KLHL4: variants seen among roughly 807,000 people sequenced by gnomAD.
KLHL4 encodes kelch like family member 4.
Under a neutral mutation model 45.8 loss-of-function variants are expected in KLHL4, and 17 were observed. The ratio of observed to expected loss-of-function variants is 0.37; its 90% CI spans 0.25 to 0.56. The LOEUF (loss-of-function observed/expected upper bound fraction) is 0.56, where lower values mean the gene tolerates loss of function less well. KLHL4 is among the 20% of genes least tolerant of loss of function. The pLI is 0.79. For missense variants in KLHL4, 544 were observed against 544.9 expected (o/e 1.00, Z 0.02); for synonymous variants, 224 against 189.9 (o/e 1.18, Z -1.47).
rs1362440421 is a variant in KLHL4 at position 87,635,754 on chromosome X, G to T, written c.1904G>T (p.Arg635Met). The T allele has an allele frequency of 8.4e-7, 1 of 1,193,110 alleles. No individual in the cohort carries two copies. Among genetic ancestry groups the T allele is most frequent in the East Asian group, 3.0e-5 (1 of 33,374 alleles). Reference sequence around the variant, plus strand: ...GCCCCTGCTTCCAACCATTGCTCCAGGCTTTCTGACTGTGTGGAACGGTAA... The same window carrying T: ...GCCCCTGCTTCCAACCATTGCTCCATGCTTTCTGACTGTGTGGAACGGTAA... ...HDAPASNHCS[R>M]LSDCVERYDP... Residue 635 changes from arginine to methionine, a missense_variant, in exon 9 of 11, where the codon AGG becomes ATG. Transcript: ENST00000373119.
At position 87,568,383 on chromosome X, in the gene KLHL4, C is replaced by CTTTTTTTTTT. The variant is rs756469573; in HGVS notation, c.423-45487_423-45486insTTTTTTTTTT. Among the ~76,000 whole-genome samples the CTTTTTTTTTT allele has an allele frequency of 1.2e-3, 71 of 59,194 alleles. 1 individual carries two copies. The highest frequency in any genetic ancestry group is 4.2e-3 in the African/African-American group (64 of 15,323). 51.4% of individuals were successfully genotyped at this position (59,194 alleles called of 115,157 possible). Reference sequence around the variant, plus strand: ...CTACAGCTTTTTTTCTTTTTCTTTTCTTTTTTTCTTTTTTTTTTTTTTTTT... The same window carrying CTTTTTTTTTT: ...CTACAGCTTTTTTTCTTTTTCTTTTCTTTTTTTTTTTTTTTTTCTTTTTTTTTTTTTTTTT... On this transcript the variant is annotated intron_variant, in intron 1 of 10. Transcript: ENST00000373119.
At chrX:87,662,919 G>C (rs1924243056) in intron 9 of KLHL4, among the ~76,000 whole-genome samples, 1 of 70,316 alleles carries the variant, frequency 1.4e-5, no homozygotes. Context: ...GACAGAGCGA[G>C]ACTCCGTCTC....
chrX:87,541,128 G>A (rs6614680), intron 1 of KLHL4, among the ~76,000 whole-genome samples: 25,519 of 108,844 alleles, frequency 0.23, 2,646 homozygotes, highest in East Asian at 0.51. Flanking sequence ...TGGATCATGG[G>A]GGCAGTTTCC....
chrX:87,665,192 C>T (rs1924327887), intron 10 of KLHL4, among the ~76,000 whole-genome samples: 1 of 111,087 alleles, frequency 9.0e-6, no homozygotes, highest in Non-Finnish European at 1.9e-5. Flanking sequence ...ATTCTCGTGA[C>T]TTCATGAAAG....
intron 1 of KLHL4, among the ~76,000 whole-genome samples, chrX:87,600,345 G>A (rs1266667332): frequency 9.0e-6 from 1 of 110,833 alleles, no homozygotes; most frequent in Non-Finnish European, 1.9e-5. Flanking sequence ...TTAGCCGGGC[G>A]TGGTGGCGGG....
Position 87,591,991 on chromosome X carries a change from A to G in KLHL4, c.423-21886A>G. On this transcript the variant is annotated intron_variant, in intron 1 of 10. Coordinates refer to ENST00000373119, the MANE Select transcript of KLHL4 (RefSeq NM_019117.5). ...TATTTTTGTGCCCATTAACCATCCA[A>G]ACTTCCCCCCCCACCCCCACTATCC... Among the ~76,000 whole-genome samples the G allele has an allele frequency of 1.8e-5, 2 of 110,369 alleles. 1 individual carries two copies. The highest frequency in any genetic ancestry group is 3.8e-5 in the Non-Finnish European group (2 of 52,699).
At chrX:87,632,568 G>A (rs950401099) in intron 7 of KLHL4, 134 bp downstream of exon 7, 28 of 425,222 alleles carry the variant, frequency 6.6e-5, no homozygotes, top group Non-Finnish European at 1.1e-4. Flanking sequence ...AAAAACTTAA[G>A]GAAATGATAA....
chrX:87,656,091 A>G (rs1396080622), intron 9 of KLHL4, among the ~76,000 whole-genome samples: 1 of 110,698 alleles, frequency 9.0e-6, no homozygotes, highest in Non-Finnish European at 1.9e-5. Context: ...ATAGGTTACT[A>G]TATGCTTTTC....
chrX:87,569,128 A>G (rs1408345276), intron 1 of KLHL4, among the ~76,000 whole-genome samples: 1 of 111,510 alleles, frequency 9.0e-6, no homozygotes, highest in Non-Finnish European at 1.9e-5. Context: ...CTAAACAACT[A>G]AGAGATGAAT....
intron 1 of KLHL4, among the ~76,000 whole-genome samples, chrX:87,588,813 A>G (rs991479564): frequency 9.1e-6 from 1 of 109,777 alleles, no homozygotes; most frequent in East Asian, 2.9e-4. Context: ...GAGAAGGAGA[A>G]GGAGAGGAAG....
At chrX:87,643,536 G>A (rs1211285183) in intron 9 of KLHL4, among the ~76,000 whole-genome samples, 1 of 111,211 alleles carries the variant, frequency 9.0e-6, no homozygotes, top group East Asian at 2.8e-4. Flanking sequence ...GAAAAAGAAG[G>A]AACCCTCCCT....
At chrX:87,575,593 G>A (rs190477720) in intron 1 of KLHL4, among the ~76,000 whole-genome samples, 1 of 111,911 alleles carries the variant, frequency 8.9e-6, no homozygotes, top group African/African-American at 3.2e-5. Flanking sequence ...CGAAACTGAA[G>A]ATATATCTAG....
chrX:87,635,545 TTCTG>T lies in KLHL4; in HGVS notation c.1713-14_1713-11del, dbSNP rs761620762. 27 of 1,164,033 alleles carry T rather than the reference TTCTG, an allele frequency of 2.3e-5. No homozygotes were observed. Among genetic ancestry groups the T allele is most frequent in the Non-Finnish European group, 3.0e-5 (26 of 854,855 alleles). On this transcript the variant is annotated splice_polypyrimidine_tract_variant and intron_variant, in intron 8 of 10. Coordinates refer to ENST00000373119, the MANE Select transcript of KLHL4 (RefSeq NM_019117.5). ...TACACACACATATACATACACACAA[TTCTG>T]TCTTTTTATCTAGATTATATGCTAT... is the stretch of plus-strand genomic sequence containing the variant.
At chrX:87,540,989 A>G (rs940423862) in intron 1 of KLHL4, among the ~76,000 whole-genome samples, 7 of 111,109 alleles carry the variant, frequency 6.3e-5, no homozygotes, top group African/African-American at 1.6e-4. Flanking sequence ...AACCACTGTC[A>G]TATATGCAGT....
chrX:87,547,746 G>A (rs779298148), intron 1 of KLHL4, among the ~76,000 whole-genome samples: 5 of 110,692 alleles, frequency 4.5e-5, no homozygotes, highest in South Asian at 7.7e-4. Flanking sequence ...GCGTGAACCC[G>A]GGAGGTGGAG....
At chrX:87,603,623 CAT>C (rs1045407501) in intron 1 of KLHL4, among the ~76,000 whole-genome samples, 8 of 110,653 alleles carry the variant, frequency 7.2e-5, no homozygotes, top group African/African-American at 2.6e-4. Flanking sequence ...TGTTTAAATA[CAT>C]ATATGTTATA....
chrX:87,561,153 T>A (rs1932090707), intron 1 of KLHL4, among the ~76,000 whole-genome samples: 1 of 110,969 alleles, frequency 9.0e-6, no homozygotes, highest in Admixed American at 9.6e-5. Context: ...TGGTCTCGCC[T>A]CCCCTGCAGG....
intron 9 of KLHL4, among the ~76,000 whole-genome samples, chrX:87,640,991 G>A (rs1923439095): frequency 8.9e-6 from 1 of 112,177 alleles, no homozygotes; most frequent in Admixed American, 9.5e-5. Flanking sequence ...ATTCAGCAAA[G>A]TTTCAGGTTA....
Position 87,518,137 on chromosome X carries a change from C to T in KLHL4, c.244C>T (p.Pro82Ser). The change falls in exon 1 of 11, where the codon CCT becomes TCT. Residue 82 changes from proline (P) to serine (S), a missense_variant. Transcript: ENST00000373119. ...NILAPVPGPA[P>S]AHQRAVQNLQ... ...ACTGGCACCAGTGCCAGGACCGGCCCCTGCCCATCAGAGAGCCGTTCAGAA... is the reference window on the plus strand; with the variant it reads ...ACTGGCACCAGTGCCAGGACCGGCCTCTGCCCATCAGAGAGCCGTTCAGAA... 8 of 1,211,909 alleles carry T rather than the reference C, an allele frequency of 6.6e-6. No homozygotes were observed. Among genetic ancestry groups the T allele is most frequent in the Non-Finnish European group, 6.7e-6 (6 of 895,549 alleles).
Sources: allele counts gnomAD v4.1 joint callset (sites outside exome capture counted in the v4.1 genomes callset), GRCh38; gene constraint gnomAD v4.1.1; transcripts MANE v1.5; gene names NCBI Gene and HGNC (gene_info 2026-07-23, HGNC 2026-07-21).